Variants in ASPA observed in about 807,000 individuals in gnomAD.
The protein encoded by ASPA is aspartoacylase.
ASPA carries 25 observed loss-of-function variants against 29.6 expected under a neutral mutation model. The ratio of observed to expected loss-of-function variants is 0.85; its 90% CI spans 0.62 to 1.18. The LOEUF (loss-of-function observed/expected upper bound fraction) is 1.18, where lower values mean the gene tolerates loss of function less well. ASPA is among the 50% of genes most tolerant of loss of function. ASPA has a pLI of 0.00. For missense variants in ASPA, 333 were observed against 385.7 expected (o/e 0.86, Z 1.14); for synonymous variants, 131 against 130.3 (o/e 1.01, Z -0.04).
rs923280730 is a variant in ASPA, at chr17:3,477,233, T to C, written c.236+838T>C. On this transcript the variant is annotated intron_variant, in intron 1 of 5. Coordinates refer to ENST00000263080, the MANE Select transcript of ASPA (RefSeq NM_000049.4). ...AAGTAGCAGACGTACTTAACTTCCA[T>C]GGTGGATTGTTGTAGATGGGATACC... 2.0e-5 allele frequency among the ~76,000 whole-genome samples: 3 copies of C among 152,162 alleles called. No individual in the cohort carries two copies. The South Asian group carries it at 6.2e-4, about 31-fold the overall frequency.
In ASPA at chr17:3,503,187, A is replaced by T. The variant is rs1000969862; in HGVS notation, c.*4099A>T. 2 of 152,192 alleles carry T rather than the reference A, an allele frequency of 1.3e-5. No individual in the cohort carries two copies. Among genetic ancestry groups the T allele is most frequent in the African/African-American group, 4.8e-5 (2 of 41,432 alleles). 9.4% of individuals were successfully genotyped at this position (152,192 alleles called of 1,614,324 possible). On this transcript the variant is annotated 3_prime_UTR_variant, in exon 6 of 6. Transcript: ENST00000263080. ...ATAGTTTCAAATGTATTTACCAAAAATACTAACATTATCTGGAATGAATGA... is the reference window on the plus strand; with the variant it reads ...ATAGTTTCAAATGTATTTACCAAAATTACTAACATTATCTGGAATGAATGA...
chr17:3,489,235 G>A lies in ASPA; in HGVS notation c.527G>A (p.Gly176Asp). 10 of 1,591,556 alleles carry A rather than the reference G, an allele frequency of 6.3e-6. No individual in the cohort carries two copies. The highest frequency in any genetic ancestry group is 8.6e-6 in the Non-Finnish European group (10 of 1,160,986). ...TTRSIAKYPV[G>D]IEVGPQPQGV... is the part of the protein sequence containing the mutation. The stretch of plus-strand genomic sequence containing the variant: ...TGACTATCTCTCCTTCTGTACCTAG[G>A]TATAGAAGTTGGTCCTCAGCCTCAA... Residue 176 changes from glycine (G) to aspartate (D), a missense_variant and splice_region_variant, in exon 4 of 6, where the codon GGT becomes GAT. Gly to Asp is a moderately conservative substitution (Grantham distance 94, BLOSUM62 -1). Coordinates refer to ENST00000263080, the MANE Select transcript of ASPA (RefSeq NM_000049.4).
chr17:3,485,545 C>T lies in ASPA; in HGVS notation c.526+1953C>T, dbSNP rs2073703995. Reference sequence around the variant, plus strand: ...ACAAACAAACAAAAATACTAGCCATCTAACACTGGAAATACATACATTCAT... The same window carrying T: ...ACAAACAAACAAAAATACTAGCCATTTAACACTGGAAATACATACATTCAT... On this transcript the variant is annotated intron_variant, in intron 3 of 5. Transcript: ENST00000263080. This position sits in a 1 kb window ranked among gnomAD's most constrained non-coding sequence, Gnocchi z 4.4. Among the ~76,000 whole-genome samples, 1 of 152,128 alleles carries T rather than the reference C, an allele frequency of 6.6e-6. No homozygotes were observed. The highest frequency in any genetic ancestry group is 1.5e-5 in the Non-Finnish European group (1 of 68,012).
At chr17:3,487,940 C>T (rs1257524580) in intron 3 of ASPA, among the ~76,000 whole-genome samples, 1 of 152,180 alleles carries the variant, frequency 6.6e-6, no homozygotes, top group African/African-American at 2.4e-5. Context: ...TGCACAGATG[C>T]ATACCTTAGC....
At chr17:3,497,697 T>G (rs1050477272) in intron 5 of ASPA, among the ~76,000 whole-genome samples, 4 of 152,256 alleles carry the variant, frequency 2.6e-5, no homozygotes, top group African/African-American at 9.6e-5. Flanking sequence ...CAAACACTAA[T>G]GTCGTGCACG....
At chr17:3,497,205 G>A (rs545972885) in intron 5 of ASPA, among the ~76,000 whole-genome samples, 15 of 152,210 alleles carry the variant, frequency 9.9e-5, no homozygotes, top group South Asian at 6.2e-4. Flanking sequence ...GCACAATGTC[G>A]GAATCTCCAC....
At chr17:3,492,065 C>T (rs1304362786) in intron 4 of ASPA, among the ~76,000 whole-genome samples, 1 of 151,968 alleles carries the variant, frequency 6.6e-6, no homozygotes, top group Non-Finnish European at 1.5e-5. Context: ...TTTGTAGAGA[C>T]AGGGTTTTGC....
At chr17:3,496,144 G>C (rs901265180) in intron 5 of ASPA, among the ~76,000 whole-genome samples, 1 of 152,156 alleles carries the variant, frequency 6.6e-6, no homozygotes, top group East Asian at 1.9e-4. Flanking sequence ...AATAATGAAT[G>C]GCTCAGTATT....
In ASPA at chr17:3,502,454, T is replaced by G. The variant is rs1366943536; in HGVS notation, c.*3366T>G. The G allele has an allele frequency of 6.6e-6, 1 of 152,236 alleles. No homozygotes were observed. The highest frequency in any genetic ancestry group is 6.5e-5 in the Admixed American group (1 of 15,280). The allele number at this position is 152,236 out of a possible 1,614,324, so 9.4% of individuals were successfully genotyped here. A position where few individuals can be genotyped will look rare whatever the true frequency, so the allele number is the denominator to read the frequency against. On this transcript the variant is annotated 3_prime_UTR_variant, in exon 6 of 6. Transcript: ENST00000263080. ...GAAATGAGTTGTGCAGAATTGCTAT[T>G]TTTTTCAATTTTTATATTTGGGTTA...
At chr17:3,483,967 T>C (rs531995166) in intron 3 of ASPA, among the ~76,000 whole-genome samples, 27 of 152,270 alleles carry the variant, frequency 1.8e-4, no homozygotes, top group African/African-American at 5.1e-4. Flanking sequence ...AGAAAATTAT[T>C]TTTAAAAAAA....
chr17:3,499,271 A>G lies in ASPA; in HGVS notation c.*183A>G, dbSNP rs2073962325. On this transcript the variant is annotated 3_prime_UTR_variant, in exon 6 of 6. Coordinates refer to ENST00000263080, the MANE Select transcript of ASPA (RefSeq NM_000049.4). Reference sequence around the variant, plus strand: ...TATATCTTTAAAGATATCATATTTTATGTATGTAGCTTATTCAAAGAAGTG... The same window carrying G: ...TATATCTTTAAAGATATCATATTTTGTGTATGTAGCTTATTCAAAGAAGTG... The G allele has an allele frequency of 3.7e-6, 2 of 536,644 alleles. No homozygotes were observed. The highest frequency in any genetic ancestry group is 6.4e-6 in the Non-Finnish European group (2 of 312,904). The allele number at this position is 536,644 out of a possible 1,614,324, so 33.2% of individuals were successfully genotyped here. A position where few individuals can be genotyped will look rare whatever the true frequency, so the allele number is the denominator to read the frequency against.
Position 3,476,099 on chromosome 17 carries a change from A to G in ASPA, c.-61A>G, listed in dbSNP as rs1343356842. 2.0e-6 allele frequency: 3 copies of G among 1,499,534 alleles called. No homozygotes were observed. Among genetic ancestry groups the G allele is most frequent in the Non-Finnish European group, 2.8e-6 (3 of 1,080,998 alleles). The allele number at this position is 1,499,534 out of a possible 1,614,324, so 92.9% of individuals were successfully genotyped here. ...ACATTTCTAAACCTTTCTTAAGAAA[A>G]TCGAATTTCCTTTGATCTCTCTTCT... On this transcript the variant is annotated 5_prime_UTR_variant, in exon 1 of 6. Transcript: ENST00000263080.
At chr17:3,483,408 A>C in intron 2 of ASPA, 91 bp from the exon 3 acceptor site, 2 of 1,081,736 alleles carry the variant, frequency 1.8e-6, no homozygotes, top group Non-Finnish European at 2.9e-6. Flanking sequence ...TGATGAAGTA[A>C]AACGTATTGA....
intron 5 of ASPA, among the ~76,000 whole-genome samples, chr17:3,498,616 G>C (rs1163141982): frequency 2.6e-5 from 4 of 152,096 alleles, no homozygotes; most frequent in Non-Finnish European, 5.9e-5. Flanking sequence ...CCAAGTGCTG[G>C]GATTACAGGC....
chr17:3,494,407 A>G lies in ASPA; in HGVS notation c.692A>G (p.Tyr231Cys), dbSNP rs104894550. The G allele has an allele frequency of 2.5e-6, 4 of 1,613,150 alleles. No individual in the cohort carries two copies. The South Asian group carries it at 3.3e-5, about 13-fold the overall frequency. Residue 231 changes from tyrosine (Y) to cysteine (C), a missense_variant, in exon 5 of 6, where the codon TAC becomes TGC. Coordinates refer to ENST00000263080, the MANE Select transcript of ASPA (RefSeq NM_000049.4). ...EVYKIIEKVD[Y>C]PRDENGEIAA... Reference sequence around the variant, plus strand: ...TATAAAATTATAGAGAAAGTTGATTACCCCCGGGATGAAAATGGAGAAATT... The same window carrying G: ...TATAAAATTATAGAGAAAGTTGATTGCCCCCGGGATGAAAATGGAGAAATT...
At chr17:3,483,794 C>T (rs1437718606) in intron 3 of ASPA, among the ~76,000 whole-genome samples, 1 of 152,130 alleles carries the variant, frequency 6.6e-6, no homozygotes, top group Non-Finnish European at 1.5e-5. Flanking sequence ...TCCCTAGTAG[C>T]TGGGATTACA....
rs570972662 is a variant in ASPA, at chr17:3,496,991, G to A, written c.745-1900G>A. On this transcript the variant is annotated intron_variant, in intron 5 of 5. Transcript: ENST00000263080. ...TGAGGCAGGAAAATTGCTTGAACTC[G>A]GGAGGTGAAGGTTGCAGTGAGCTGA... Among the ~76,000 whole-genome samples the A allele has an allele frequency of 3.3e-5, 5 of 152,272 alleles. No homozygotes were observed. The South Asian group carries it at 8.3e-4, about 25-fold the overall frequency.
rs1009203347 is a variant in ASPA, at chr17:3,486,649, C to G, written c.527-2586C>G. Among the ~76,000 whole-genome samples, 6 of 152,298 alleles carry G rather than the reference C, an allele frequency of 3.9e-5. 1 individual carries two copies. In the South Asian group the frequency reaches 1.2e-3, roughly 32 times the overall value. On this transcript the variant is annotated intron_variant, in intron 3 of 5. Transcript: ENST00000263080. ...CATAATTAATTATCTGCAGACTACA[C>G]TACAATTAAAATTACAACTTAAAAT...
At chr17:3,492,985 C>G (rs1358930163) in intron 4 of ASPA, among the ~76,000 whole-genome samples, 2 of 152,208 alleles carry the variant, frequency 1.3e-5, no homozygotes, top group Non-Finnish European at 2.9e-5. Flanking sequence ...CTAACTGATA[C>G]AGAAGTGATC....
Sources: gnomAD v4.1 joint callset for allele counts (sites outside exome capture counted in the v4.1 genomes callset) on GRCh38, gnomAD v4.1.1 for gene constraint, Gnocchi (gnomAD v3.1) non-coding constraint, MANE v1.5 for transcripts, NCBI Gene and HGNC (gene_info 2026-07-23, HGNC 2026-07-21) for gene names.